NLGN1: variants seen among roughly 807,000 people sequenced by gnomAD.
NLGN1 encodes neuroligin-1.
Under a neutral mutation model 65.5 loss-of-function variants are expected in NLGN1, and 12 were observed. That is an observed-to-expected ratio of 0.18 (90% CI 0.12 to 0.30). The LOEUF (loss-of-function observed/expected upper bound fraction) is 0.30. Ranked by LOEUF, NLGN1 falls within the 10% of genes least tolerant of loss-of-function variation. The pLI is 1.00. For missense variants in NLGN1, 750 were observed against 1,007.1 expected (o/e 0.74, Z 3.46); for synonymous variants, 350 against 359.5 (o/e 0.97, Z 0.30).
At chr3:174,044,873 A>G (rs1457306229) in intron 4 of NLGN1, among the ~76,000 whole-genome samples, 2 of 152,008 alleles carry the variant, frequency 1.3e-5, no homozygotes, top group Admixed American at 6.6e-5. Flanking sequence ...AGATCCAATG[A>G]TCTTATAAGG....
chr3:173,892,353 G>A (rs1038266617), intron 4 of NLGN1, among the ~76,000 whole-genome samples: 1 of 151,676 alleles, frequency 6.6e-6, no homozygotes, highest in African/African-American at 2.4e-5. Context: ...CAGATATGTT[G>A]TGACCTTCGT....
At chr3:174,108,712 G>T (rs1714531968) in intron 4 of NLGN1, among the ~76,000 whole-genome samples, 1 of 152,068 alleles carries the variant, frequency 6.6e-6, no homozygotes, top group Non-Finnish European at 1.5e-5. Flanking sequence ...AACTTGCAAG[G>T]ATTCTTGCTA....
chr3:173,765,096 G>A (rs868662763), intron 3 of NLGN1, among the ~76,000 whole-genome samples: 36 of 125,792 alleles, frequency 2.9e-4, no homozygotes, highest in African/African-American at 9.0e-4. Flanking sequence ...GTGTGTGTGT[G>A]TGTATGTATG....
intron 4 of NLGN1, among the ~76,000 whole-genome samples, chr3:174,234,258 G>A (rs1450296264): frequency 6.6e-6 from 1 of 152,102 alleles, no homozygotes; most frequent in Non-Finnish European, 1.5e-5. Flanking sequence ...TCAAGCAGGT[G>A]ACTTGAGAGA....
chr3:173,716,549 C>T (rs1385758666), intron 3 of NLGN1, among the ~76,000 whole-genome samples: 3 of 152,096 alleles, frequency 2.0e-5, no homozygotes, highest in Admixed American at 6.6e-5. Flanking sequence ...CTCATCAGAG[C>T]CCATTCAGGT....
At chr3:173,691,921 T>A (rs1235201758) in intron 3 of NLGN1, among the ~76,000 whole-genome samples, 1 of 152,126 alleles carries the variant, frequency 6.6e-6, no homozygotes, top group Non-Finnish European at 1.5e-5. Context: ...GTGGAAGGAC[T>A]TTAGTCATTT....
chr3:174,082,096 G>T (rs1469553913), intron 4 of NLGN1, among the ~76,000 whole-genome samples: 1 of 152,122 alleles, frequency 6.6e-6, no homozygotes, highest in Non-Finnish European at 1.5e-5. Flanking sequence ...TTAAAATGAA[G>T]ATCTAAGAAA....
intron 3 of NLGN1, among the ~76,000 whole-genome samples, chr3:173,636,034 C>T (rs1190327854): frequency 6.6e-6 from 1 of 152,006 alleles, no homozygotes; most frequent in Admixed American, 6.6e-5. Context: ...TGTTTTATTT[C>T]CTGCTTTGAA....
rs115211292 is a variant in NLGN1, at chr3:173,688,964, A to G, written c.493+83873A>G. Among the ~76,000 whole-genome samples, 967 of 152,312 alleles carry G rather than the reference A, an allele frequency of 6.3e-3. 8 individuals are homozygous for G. Among genetic ancestry groups the G allele is most frequent in the African/African-American group, 0.023 (938 of 41,564 alleles). On this transcript the variant is annotated intron_variant, in intron 3 of 6. Coordinates refer to ENST00000457714, the Ensembl canonical transcript of NLGN1. ...TCCTGTTGTCACATTTAGTGTCTGCATTTAGTCACCTTCCATTTGGGTGTA... is the reference window on the plus strand; with the variant it reads ...TCCTGTTGTCACATTTAGTGTCTGCGTTTAGTCACCTTCCATTTGGGTGTA...
intron 4 of NLGN1, among the ~76,000 whole-genome samples, chr3:174,190,825 C>G (rs1216380327): frequency 6.6e-6 from 1 of 152,000 alleles, no homozygotes; most frequent in Non-Finnish European, 1.5e-5. Context: ...AAGTTTTTCT[C>G]CATATGGTGT....
At chr3:173,686,148 T>G (rs1764652352) in intron 3 of NLGN1, among the ~76,000 whole-genome samples, 1 of 152,172 alleles carries the variant, frequency 6.6e-6, no homozygotes, top group East Asian at 1.9e-4. Flanking sequence ...TTTCATAGCA[T>G]AATCTCAGCA....
intron 4 of NLGN1, among the ~76,000 whole-genome samples, chr3:173,829,570 G>T (rs980452504): frequency 2.0e-4 from 19 of 97,274 alleles, no homozygotes; most frequent in African/African-American, 6.9e-4. Flanking sequence ...GTGTGTGTGT[G>T]TTTGTGTGTG....
chr3:173,887,878 A>G (rs931540339), intron 4 of NLGN1, among the ~76,000 whole-genome samples: 5 of 151,972 alleles, frequency 3.3e-5, no homozygotes, highest in Non-Finnish European at 1.5e-5. Context: ...CACTAAAAAA[A>G]ACCCACTTCT....
chr3:173,856,126 G>A (rs983689398), intron 4 of NLGN1, among the ~76,000 whole-genome samples: 3 of 152,046 alleles, frequency 2.0e-5, no homozygotes, highest in East Asian at 1.9e-4. Context: ...GGGGTACTTC[G>A]TCAAGTGTAC....
At chr3:173,430,410 C>T (rs1162187606) in intron 1 of NLGN1, among the ~76,000 whole-genome samples, 1 of 152,038 alleles carries the variant, frequency 6.6e-6, no homozygotes, top group Non-Finnish European at 1.5e-5. Context: ...ATAGACCTGT[C>T]GTTTTATAGT....
chr3:173,453,516 G>A (rs73036239), intron 2 of NLGN1, among the ~76,000 whole-genome samples: 4,672 of 152,090 alleles, frequency 0.031, 241 homozygotes, highest in African/African-American at 0.11. Context: ...TTCAAAATTG[G>A]AATCAATCCT....
At chr3:173,428,994 A>G (rs145744526) in intron 1 of NLGN1, among the ~76,000 whole-genome samples, 9 of 152,152 alleles carry the variant, frequency 5.9e-5, no homozygotes, top group Admixed American at 4.6e-4. Context: ...TTTGGGTTGA[A>G]TCAGGTTAGT....
At chr3:173,928,404 A>C (rs532730559) in intron 4 of NLGN1, among the ~76,000 whole-genome samples, 1 of 152,306 alleles carries the variant, frequency 6.6e-6, no homozygotes, top group African/African-American at 2.4e-5. Context: ...TAAGTATCTT[A>C]TCTCTTAAAC....
chr3:173,538,483 G>A (rs148415810), intron 2 of NLGN1, among the ~76,000 whole-genome samples: 1 of 152,156 alleles, frequency 6.6e-6, no homozygotes, highest in Non-Finnish European at 1.5e-5. Flanking sequence ...TGGTAGAAAC[G>A]TTATGCGCAG....
Sources: allele counts gnomAD v4.1 joint callset (sites outside exome capture counted in the v4.1 genomes callset), GRCh38; gene constraint gnomAD v4.1.1; transcripts MANE v1.5; gene names NCBI Gene and HGNC (gene_info 2026-07-23, HGNC 2026-07-21).